The following SHPRH variants were observed in gnomAD, a reference collection of about 807,000 sequenced individuals.
SHPRH encodes SNF2 histone linker PHD RING helicase.
In SHPRH, 106 loss-of-function variants were observed where a neutral mutation model predicts 202.5. That is an observed-to-expected ratio of 0.52 (90% confidence interval 0.45 to 0.62). The LOEUF (loss-of-function observed/expected upper bound fraction) is 0.62. Ranked by LOEUF, SHPRH falls within the 20% of genes least tolerant of loss-of-function variation. SHPRH has a pLI of 0.00. For synonymous variants in SHPRH, 729 were observed against 686.0 expected (o/e 1.06, Z -0.98); for missense variants, 1,710 against 2,020.0 (o/e 0.85, Z 2.94).
intron 25 of SHPRH, among the ~76,000 whole-genome samples, chr6:145,899,599 C>T (rs1468415965): frequency 6.6e-6 from 1 of 152,068 alleles, no homozygotes; most frequent in African/African-American, 2.4e-5. Context: ...TGACAATGAT[C>T]TTGGTAAAGA....
Position 145,922,820 on chromosome 6 carries a change from C to G in SHPRH, c.3562G>C (p.Gly1188Arg). Reference sequence around the variant, plus strand: ...TGTGTTGTAAGTAAGAACTGAAGACCTCTGCAATCACGGAACCTGATTCCC... The same window carrying G: ...TGTGTTGTAAGTAAGAACTGAAGACGTCTGCAATCACGGAACCTGATTCCC... ...SMSEKFRDCR[G>R]LQFLLTTQME... Residue 1188 changes from glycine to arginine, a missense_variant, in exon 19 of 30, where the codon GGT becomes CGT. Gly to Arg is a moderately radical substitution (Grantham distance 125). Coordinates refer to ENST00000275233, the MANE Select transcript of SHPRH (RefSeq NM_001042683.3). The G allele has an allele frequency of 6.2e-7, 1 of 1,609,606 alleles. No homozygotes were observed. Among genetic ancestry groups the G allele is most frequent in the Non-Finnish European group, 8.5e-7 (1 of 1,177,638 alleles).
chr6:145,947,389 G>C, intron 6 of SHPRH, 104 bp downstream of exon 6: 1 of 1,293,914 alleles, frequency 7.7e-7, no homozygotes, highest in South Asian at 1.6e-5. Context: ...TACCCACAGA[G>C]TGAACAGAAA....
chr6:145,936,622 C>T (rs569833930), intron 11 of SHPRH, among the ~76,000 whole-genome samples: 23 of 150,672 alleles, frequency 1.5e-4, no homozygotes, highest in Admixed American at 3.3e-4. Context: ...CCACCATGTC[C>T]GGGTTGTAAT....
chr6:145,944,816 A>G (rs544998965), intron 8 of SHPRH, among the ~76,000 whole-genome samples: 4 of 152,122 alleles, frequency 2.6e-5, no homozygotes, highest in South Asian at 2.1e-4. Context: ...CAGAAATTGT[A>G]TAAGATAATA....
Position 145,886,654 on chromosome 6 carries a change from T to G in SHPRH, c.*37A>C. On this transcript the variant is annotated 3_prime_UTR_variant, in exon 30 of 30. Transcript: ENST00000275233. The stretch of plus-strand genomic sequence containing the variant: ...TTGCTCTACAGCTATGAAAGTTTAT[T>G]AATACACTAAAGTCCATGGAATGAA... 2.5e-6 allele frequency: 4 copies of G among 1,604,728 alleles called. No individual in the cohort carries two copies. Among genetic ancestry groups the G allele is most frequent in the Non-Finnish European group, 1.7e-6 (2 of 1,176,970 alleles).
chr6:145,872,858 A>C (rs531978093), intron 2 of SHPRH, among the ~76,000 whole-genome samples: 1 of 152,370 alleles, frequency 6.6e-6, no homozygotes, highest in East Asian at 1.9e-4. Flanking sequence ...CAGGCATAAA[A>C]AGGAATCAGG....
chr6:145,961,706 T>G (rs901120400), intron 1 of SHPRH, among the ~76,000 whole-genome samples: 1 of 151,798 alleles, frequency 6.6e-6, no homozygotes, highest in Non-Finnish European at 1.5e-5. Context: ...TACTTATCAG[T>G]GATAATGATA....
intron 14 of SHPRH, among the ~76,000 whole-genome samples, chr6:145,931,016 A>T (rs1023952948): frequency 3.3e-5 from 5 of 152,186 alleles, no homozygotes; most frequent in Admixed American, 3.3e-4. Flanking sequence ...GTTAGCAGGC[A>T]GTATTAATAA....
intron 24 of SHPRH, 57 bp downstream of exon 24, chr6:145,913,421 A>G (rs1783671488): frequency 2.0e-6 from 3 of 1,473,534 alleles, no homozygotes; most frequent in Middle Eastern, 4.0e-4. Flanking sequence ...TTATGTAGAA[A>G]CCTTTGAAAA....
intron 8 of SHPRH, among the ~76,000 whole-genome samples, chr6:145,944,296 T>C (rs1787124365): frequency 6.6e-6 from 1 of 152,190 alleles, no homozygotes; most frequent in Admixed American, 6.6e-5. Context: ...ATGCCAATTC[T>C]GTGCCAGTAG....
rs1000908259 is a variant in SHPRH at position 145,950,375 on chromosome 6, T to C, written c.871A>G (p.Ile291Val). ...KQTHQQETQSIQVDVQHPALI... is the reference protein window; with the variant it reads ...KQTHQQETQSVQVDVQHPALI... ...GCAGGATGCTGGACATCCACTTGGA[T>C]GGACTGCGTTTCTTGCTGATGTGTT... The change falls in exon 4 of 30, where the codon ATC becomes GTC. Residue 291 changes from isoleucine to valine, a missense_variant. Coordinates refer to ENST00000275233, the MANE Select transcript of SHPRH (RefSeq NM_001042683.3). 8 of 1,613,232 alleles carry C rather than the reference T, an allele frequency of 5.0e-6. No homozygotes were observed. Among genetic ancestry groups the C allele is most frequent in the South Asian group, 2.2e-5 (2 of 91,082 alleles).
Position 145,886,136 on chromosome 6 carries a change from A to G in SHPRH, c.*555T>C, listed in dbSNP as rs1780988220. ...AAGAAACAAATAACTGTCTAACATT[A>G]ACTTATTGTAAGGAGTTGTATTACT... On this transcript the variant is annotated 3_prime_UTR_variant, in exon 30 of 30. Transcript: ENST00000275233. The G allele has an allele frequency of 4.6e-6, 1 of 219,138 alleles. No homozygotes were observed. The highest frequency in any genetic ancestry group is 2.3e-5 in the African/African-American group (1 of 44,416). 13.6% of individuals were successfully genotyped at this position (219,138 alleles called of 1,614,324 possible). A position where few individuals can be genotyped will look rare whatever the true frequency, so the allele number is the denominator to read the frequency against.
At chr6:145,927,678 A>T (rs1464778432) in intron 14 of SHPRH, among the ~76,000 whole-genome samples, 1 of 151,928 alleles carries the variant, frequency 6.6e-6, no homozygotes, top group Non-Finnish European at 1.5e-5. Flanking sequence ...AACTTAAGGT[A>T]ATTATAGATT....
intron 4 of SHPRH, among the ~76,000 whole-genome samples, chr6:145,949,670 A>C (rs913823564): frequency 6.6e-6 from 1 of 152,078 alleles, no homozygotes; most frequent in Non-Finnish European, 1.5e-5. Context: ...AGACTTCACC[A>C]CTATGCAATT....
chr6:145,901,933 C>T (rs1348119364), intron 25 of SHPRH, among the ~76,000 whole-genome samples: 2 of 152,008 alleles, frequency 1.3e-5, no homozygotes, highest in African/African-American at 4.8e-5. Context: ...GTCCTTTACC[C>T]TCACTGACTG....
chr6:145,865,286 G>A (rs1779726974), intron 2 of SHPRH, among the ~76,000 whole-genome samples: 3 of 152,102 alleles, frequency 2.0e-5, no homozygotes, highest in Admixed American at 1.3e-4. Context: ...GAGCCCTCAT[G>A]GTGAGATTAG....
intron 16 of SHPRH, 118 bp from the exon 17 acceptor site, chr6:145,924,964 T>A: frequency 1.4e-6 from 1 of 709,236 alleles, no homozygotes; most frequent in South Asian, 2.5e-5. Context: ...CATTTAAACA[T>A]AAAAGTCCAA....
chr6:145,940,595 G>A, intron 11 of SHPRH, 128 bp downstream of exon 11: 3 of 842,232 alleles, frequency 3.6e-6, no homozygotes, highest in Non-Finnish European at 5.5e-6. Flanking sequence ...ACTATTAGGA[G>A]TCAACTATAA....
intron 2 of SHPRH, among the ~76,000 whole-genome samples, chr6:145,877,462 T>C (rs1780353232): frequency 6.6e-6 from 1 of 152,202 alleles, no homozygotes; most frequent in South Asian, 2.1e-4. Context: ...ACCATGTATA[T>C]TGTGACTTGC....
Sources: allele counts gnomAD v4.1 joint callset (sites outside exome capture counted in the v4.1 genomes callset), GRCh38; gene constraint gnomAD v4.1.1; transcripts MANE v1.5; gene names NCBI Gene and HGNC (gene_info 2026-07-23, HGNC 2026-07-21).